PIGK: variants seen among roughly 807,000 people sequenced by gnomAD.
The protein encoded by PIGK is phosphatidylinositol glycan anchor biosynthesis class K.
PIGK carries 42 observed loss-of-function variants against 50.6 expected under a neutral mutation model. The observed-to-expected ratio is 0.83, with a 90% CI of 0.65 to 1.07. The LOEUF (loss-of-function observed/expected upper bound fraction) is 1.07, where lower values mean the gene tolerates loss of function less well. PIGK is among the 50% of genes least tolerant of loss of function. The pLI, the probability that PIGK is intolerant of heterozygous loss-of-function variation, is 0.00. For synonymous variants in PIGK, 151 were observed against 156.0 expected, an observed-to-expected ratio of 0.97 and a Z score of 0.24; for missense variants, 448 against 488.7, an observed-to-expected ratio of 0.92 and a Z score of 0.78.
chr1:77,142,483 T>A (rs764913987), intron 9 of PIGK, among the ~76,000 whole-genome samples: 8 of 152,118 alleles, frequency 5.3e-5, no homozygotes, highest in Non-Finnish European at 8.8e-5. Flanking sequence ...CTTAGAGAGA[T>A]TAAATAAGGT....
intron 2 of PIGK, among the ~76,000 whole-genome samples, chr1:77,208,364 A>AT (rs527561333): frequency 2.2e-3 from 339 of 152,208 alleles, no homozygotes; most frequent in Non-Finnish European, 3.8e-3. Flanking sequence ...TTCATCTTTT[A>AT]TTTTTTACCA....
intron 3 of PIGK, among the ~76,000 whole-genome samples, chr1:77,185,716 G>T (rs909681703): frequency 5.3e-5 from 8 of 152,214 alleles, no homozygotes; most frequent in African/African-American, 1.4e-4. Flanking sequence ...TGTGCAAGCT[G>T]CTCTGCCACA....
intron 3 of PIGK, among the ~76,000 whole-genome samples, chr1:77,192,488 T>G (rs1655931766): frequency 1.3e-5 from 2 of 152,104 alleles, no homozygotes; most frequent in South Asian, 4.1e-4. Context: ...AAATTAAACT[T>G]TACGGAATAA....
chr1:77,155,337 C>T (rs1368240166), intron 8 of PIGK, among the ~76,000 whole-genome samples: 2 of 152,298 alleles, frequency 1.3e-5, no homozygotes, highest in African/African-American at 2.4e-5. Context: ...ACTGATACTC[C>T]ATGTCAGTGA....
chr1:77,120,293 T>A (rs996554840), intron 10 of PIGK, among the ~76,000 whole-genome samples: 1 of 152,148 alleles, frequency 6.6e-6, no homozygotes, highest in Non-Finnish European at 1.5e-5. Flanking sequence ...CAGCTCACTG[T>A]AGCCTCAATC....
At chr1:77,143,877 A>T (rs919245403) in intron 9 of PIGK, among the ~76,000 whole-genome samples, 3 of 152,124 alleles carry the variant, frequency 2.0e-5, no homozygotes, top group African/African-American at 7.2e-5. Context: ...ATTAATTTTT[A>T]TCAGTGTGTG....
chr1:77,152,694 CAAAA>C (rs925115417), intron 9 of PIGK, among the ~76,000 whole-genome samples: 1 of 149,576 alleles, frequency 6.7e-6, no homozygotes, highest in Non-Finnish European at 1.5e-5. Context: ...AACAAAAAAA[CAAAA>C]AAAATCTAAT....
intron 9 of PIGK, among the ~76,000 whole-genome samples, chr1:77,133,010 A>G (rs1209714800): frequency 6.6e-6 from 1 of 152,024 alleles, no homozygotes; most frequent in East Asian, 1.9e-4. Context: ...CTTTGCATTC[A>G]TTTTGCTTAC....
At chr1:77,145,519 T>A (rs1195189162) in intron 9 of PIGK, among the ~76,000 whole-genome samples, 1 of 152,002 alleles carries the variant, frequency 6.6e-6, no homozygotes, top group Non-Finnish European at 1.5e-5. Context: ...ATATCTACAA[T>A]AAAACAATAT....
chr1:77,168,585 C>G (rs1655282951), intron 4 of PIGK, among the ~76,000 whole-genome samples: 2 of 145,502 alleles, frequency 1.4e-5, no homozygotes, highest in Non-Finnish European at 3.0e-5. Flanking sequence ...ACATGAGACA[C>G]AGGCCCTCTT....
At chr1:77,148,518 TAA>T (rs1654820261) in intron 9 of PIGK, among the ~76,000 whole-genome samples, 1 of 152,134 alleles carries the variant, frequency 6.6e-6, no homozygotes, top group African/African-American at 2.4e-5. Flanking sequence ...ACAAATAATT[TAA>T]GAGCCAAATT....
At chr1:77,166,936 C>A in intron 4 of PIGK, 106 bp from the exon 5 acceptor site, 2 of 632,510 alleles carry the variant, frequency 3.2e-6, no homozygotes, top group Non-Finnish European at 2.8e-6. Flanking sequence ...CCATATATTA[C>A]TCAGCACCAA....
intron 9 of PIGK, among the ~76,000 whole-genome samples, chr1:77,126,844 A>C (rs1199287559): frequency 6.6e-6 from 1 of 152,172 alleles, no homozygotes; most frequent in Non-Finnish European, 1.5e-5. Flanking sequence ...TCTTAAAGTC[A>C]TCCAAGTGTT....
intron 5 of PIGK, 32 bp downstream of exon 5, chr1:77,166,687 T>G (rs373868441): frequency 7.7e-6 from 8 of 1,041,474 alleles, no homozygotes; most frequent in Non-Finnish European, 1.2e-5. Context: ...TTCAATATAC[T>G]CTACTATAAA....
chr1:77,160,469 C>G (rs1462977402), intron 8 of PIGK, among the ~76,000 whole-genome samples: 1 of 152,054 alleles, frequency 6.6e-6, no homozygotes, highest in Non-Finnish European at 1.5e-5. Flanking sequence ...AGGACAGAGC[C>G]CTGTCTACTC....
chr1:77,207,577 C>A (rs968850980), intron 2 of PIGK, among the ~76,000 whole-genome samples: 7 of 151,770 alleles, frequency 4.6e-5, no homozygotes, highest in East Asian at 2.0e-4. Context: ...AACAATCCAA[C>A]CAAGTTTTAT....
chr1:77,098,347 T>C (rs1055280589), intron 10 of PIGK, among the ~76,000 whole-genome samples: 2 of 152,080 alleles, frequency 1.3e-5, no homozygotes, highest in African/African-American at 4.8e-5. Flanking sequence ...ATTTTTTTTT[T>C]TTTGAGACAG....
chr1:77,198,659 T>C (rs1656089091), intron 3 of PIGK, among the ~76,000 whole-genome samples: 1 of 151,852 alleles, frequency 6.6e-6, no homozygotes, highest in Non-Finnish European at 1.5e-5. Flanking sequence ...TAACAAAAAA[T>C]AAGATAACTT....
chr1:77,169,678 A>G (rs1655316688), intron 3 of PIGK, among the ~76,000 whole-genome samples: 1 of 152,210 alleles, frequency 6.6e-6, no homozygotes, highest in East Asian at 1.9e-4. Context: ...AAATTGGCGC[A>G]ATCTGGCATA....
Sources: allele counts gnomAD v4.1 joint callset (sites outside exome capture counted in the v4.1 genomes callset), GRCh38; gene constraint gnomAD v4.1.1; transcripts MANE v1.5; gene names NCBI Gene and HGNC (gene_info 2026-07-23, HGNC 2026-07-21).